SUMF1: variants seen among roughly 807,000 people sequenced by gnomAD.
SUMF1 encodes the protein sulfatase modifying factor 1.
Under a neutral mutation model 47.6 loss-of-function variants are expected in SUMF1, and 48 were observed. That is an observed-to-expected ratio of 1.01 (90% CI 0.80 to 1.28). The LOEUF is 1.28. SUMF1 is among the 50% of genes most tolerant of loss of function. SUMF1 has a pLI of 0.00. For missense variants in SUMF1, 571 were observed against 485.4 expected (o/e 1.18, Z -1.66); for synonymous variants, 230 against 192.1 (o/e 1.20, Z -1.63).
intron 8 of SUMF1, among the ~76,000 whole-genome samples, chr3:4,196,004 T>A (rs1401454584): frequency 2.0e-5 from 3 of 152,142 alleles, no homozygotes; most frequent in African/African-American, 7.2e-5. Context: ...TATAATAATT[T>A]AGATCATATC....
At chr3:4,048,685 A>G (rs1016217871) in intron 9 of SUMF1, among the ~76,000 whole-genome samples, 5 of 152,136 alleles carry the variant, frequency 3.3e-5, no homozygotes, top group African/African-American at 9.7e-5. Flanking sequence ...TTTTTGCTCT[A>G]CAAAATCCCC....
At chr3:4,436,890 C>A (rs994193906) in intron 3 of SUMF1, among the ~76,000 whole-genome samples, 31 of 141,616 alleles carry the variant, frequency 2.2e-4, no homozygotes, top group African/African-American at 6.8e-4. Context: ...ACAAAAAAAA[C>A]CCAACTGACT....
At chr3:4,064,608 C>G (rs1390767096) in intron 9 of SUMF1, among the ~76,000 whole-genome samples, 2 of 152,128 alleles carry the variant, frequency 1.3e-5, no homozygotes, top group African/African-American at 2.4e-5. Context: ...ACCCCAAATA[C>G]TTTCTTGCAC....
intron 8 of SUMF1, among the ~76,000 whole-genome samples, chr3:4,183,367 T>TTA (rs1695136012): frequency 6.6e-6 from 1 of 151,270 alleles, no homozygotes; most frequent in Non-Finnish European, 1.5e-5. Context: ...ATGCCTTTAA[T>TTA]TATAGTCCTG....
In SUMF1 at chr3:4,410,939, T is replaced by C. The variant is rs746450535; in HGVS notation, c.880A>G (p.Ile294Val). The change falls in exon 7 of 9, where the codon ATA (isoleucine) becomes GTA (valine). Residue 294 changes from isoleucine (I) to valine (V), a missense_variant. Transcript: ENST00000272902. ...FPPNGYGLYN[I>V]VGNAWEWTSD... ...GTCCATTCCCATGCGTTCCCCACTA[T>C]GTTGTATAAGCCATAACCATTGGGA... 3.9e-5 allele frequency: 63 copies of C among 1,613,964 alleles called. No individual in the cohort carries two copies. The highest frequency in any genetic ancestry group is 6.7e-5 in the East Asian group (3 of 44,898).
Position 4,104,192 on chromosome 3 carries a change from G to A in SUMF1, c.1015-35447C>T, listed in dbSNP as rs945190693. 2.6e-5 allele frequency among the ~76,000 whole-genome samples: 4 copies of A among 152,034 alleles called. No individual in the cohort carries two copies. In the East Asian group the frequency reaches 7.7e-4, roughly 29 times the overall value. On this transcript the variant is annotated intron_variant and NMD_transcript_variant, in intron 8 of 12. Coordinates refer to the SUMF1 transcript ENST00000448413. ...GTTTCCCCCTTACTGTTCTCCTGGA[G>A]GTAAATAAGTCTTACAAGATCTGAT...
chr3:4,291,212 CA>C (rs1697735999), intron 8 of SUMF1, among the ~76,000 whole-genome samples: 1 of 152,164 alleles, frequency 6.6e-6, no homozygotes, highest in Non-Finnish European at 1.5e-5. Context: ...TCAAGAATTT[CA>C]ATGAGAAATT....
At chr3:4,126,008 C>T (rs1459447569) in intron 8 of SUMF1, among the ~76,000 whole-genome samples, 3 of 151,964 alleles carry the variant, frequency 2.0e-5, no homozygotes, top group African/African-American at 2.4e-5. Context: ...GCTAGTGCCT[C>T]GTGCCATTTT....
At chr3:4,340,159 G>C (rs777011594) in intron 8 of SUMF1, among the ~76,000 whole-genome samples, 2 of 151,984 alleles carry the variant, frequency 1.3e-5, no homozygotes, top group African/African-American at 2.4e-5. Context: ...CCCAACTCCG[G>C]AGTTGTTAAT....
At chr3:4,043,178 C>T (rs1217457859) in intron 9 of SUMF1, among the ~76,000 whole-genome samples, 2 of 151,976 alleles carry the variant, frequency 1.3e-5, no homozygotes, top group African/African-American at 4.8e-5. Flanking sequence ...GTCATGGCAC[C>T]CCATGAACAC....
chr3:4,038,504 C>G (rs1199727478), intron 9 of SUMF1, among the ~76,000 whole-genome samples: 2 of 152,148 alleles, frequency 1.3e-5, no homozygotes, highest in Non-Finnish European at 2.9e-5. Context: ...GGGGATCCGC[C>G]TCTGATAAAT....
chr3:4,093,036 T>G (rs2125054628), intron 8 of SUMF1, among the ~76,000 whole-genome samples: 1 of 152,222 alleles, frequency 6.6e-6, no homozygotes, highest in South Asian at 2.1e-4. Context: ...AAGTAAGAGC[T>G]CTGCAATTGG....
chr3:4,142,688 C>T (rs1694099577), intron 8 of SUMF1, among the ~76,000 whole-genome samples: 1 of 151,974 alleles, frequency 6.6e-6, no homozygotes, highest in Non-Finnish European at 1.5e-5. Flanking sequence ...TCAATTAGAT[C>T]AGAGGTTCTT....
intron 8 of SUMF1, among the ~76,000 whole-genome samples, chr3:4,099,741 G>C (rs946792286): frequency 6.6e-6 from 1 of 151,878 alleles, no homozygotes; most frequent in Admixed American, 6.6e-5. Context: ...TACTAGAACT[G>C]ATAAAAGCAG....
rs746124382 is a variant in SUMF1, at chr3:4,467,264, T to C, written c.-19A>G. ...CAGCCATGTTGTCCCGCGGGCCATG[T>C]GACCCGGTTGGTCACGTGGCTGAGC... is the stretch of plus-strand genomic sequence containing the variant. On this transcript the variant is annotated 5_prime_UTR_variant, in exon 1 of 9. Coordinates refer to ENST00000272902, the MANE Select transcript of SUMF1 (RefSeq NM_182760.4). 8.7e-6 allele frequency: 14 copies of C among 1,602,918 alleles called. No individual in the cohort carries two copies. Among genetic ancestry groups the C allele is most frequent in the South Asian group, 1.1e-5 (1 of 88,948 alleles).
chr3:4,102,998 C>G (rs1270405), intron 8 of SUMF1, among the ~76,000 whole-genome samples: 1 of 151,576 alleles, frequency 6.6e-6, no homozygotes, highest in African/African-American at 2.4e-5. Context: ...TCTCAGCTCA[C>G]TGCAACCTCC....
chr3:4,410,769 TA>T, intron 7 of SUMF1, 95 bp downstream of exon 7: 1 of 1,082,470 alleles, frequency 9.2e-7, no homozygotes, highest in Non-Finnish European at 1.4e-6. Context: ...CCAGAGTATG[TA>T]AATACCCCTC....
At chr3:4,256,851 A>C (rs370565677) in intron 8 of SUMF1, among the ~76,000 whole-genome samples, 1 of 141,578 alleles carries the variant, frequency 7.1e-6, no homozygotes, top group African/African-American at 2.7e-5. Context: ...CATTGATGCA[A>C]AAATCCTCAA....
At chr3:4,077,587 A>G (rs1371859320) in intron 8 of SUMF1, among the ~76,000 whole-genome samples, 1 of 152,090 alleles carries the variant, frequency 6.6e-6, no homozygotes, top group Non-Finnish European at 1.5e-5. Context: ...GTTCTCACTC[A>G]TAAGTGGGAG....
Sources: allele counts gnomAD v4.1 joint callset (sites outside exome capture counted in the v4.1 genomes callset), GRCh38; gene constraint gnomAD v4.1.1; transcripts MANE v1.5; gene names NCBI Gene and HGNC (gene_info 2026-07-23, HGNC 2026-07-21).